Variants in ZC3HC1 observed in about 807,000 individuals in gnomAD.
ZC3HC1 encodes the protein zinc finger C3HC-type containing 1, also known as zinc finger C3HC-type protein 1.
A neutral mutation model predicts 61.9 loss-of-function variants in ZC3HC1; 38 were observed. The observed-to-expected ratio is 0.61, with a 90% CI of 0.47 to 0.81. The LOEUF (loss-of-function observed/expected upper bound fraction) is 0.81, where lower values mean the gene tolerates loss of function less well. ZC3HC1 is among the 30% of genes least tolerant of loss of function. The probability of loss-of-function intolerance (pLI) is 0.00; values close to 1 mark genes in which losing one functional copy is unlikely to be tolerated. For missense variants in ZC3HC1, 554 were observed against 622.7 expected (o/e 0.89, Z 1.17); for synonymous variants, 213 against 229.9 (o/e 0.93, Z 0.67).
chr7:130,047,338 C>T (rs141358017), intron 2 of ZC3HC1, among the ~76,000 whole-genome samples: 297 of 152,218 alleles, frequency 2.0e-3, no homozygotes, highest in African/African-American at 6.6e-3. Context: ...TCAGGTGATC[C>T]GCCCACCTTG....
At chr7:130,040,808 C>CA (rs34942899) in intron 3 of ZC3HC1, 143 bp downstream of exon 3, 1,613 of 629,248 alleles carry the variant, frequency 2.6e-3, no homozygotes, top group East Asian at 0.018. Flanking sequence ...GACCCCATCT[C>CA]AAAAAAAAAA....
chr7:130,036,210 A>C (rs1184521103), intron 4 of ZC3HC1, among the ~76,000 whole-genome samples: 2 of 152,038 alleles, frequency 1.3e-5, no homozygotes, highest in African/African-American at 2.4e-5. Context: ...GAGAAAGAAC[A>C]AAGTTGGCTT....
chr7:130,033,199 A>G (rs1794292588), intron 4 of ZC3HC1, among the ~76,000 whole-genome samples: 1 of 151,892 alleles, frequency 6.6e-6, no homozygotes, highest in South Asian at 2.1e-4. Context: ...TGCCCAGCTA[A>G]TTTTTTGTAT....
At chr7:130,051,031 G>C (rs1164321685) in intron 1 of ZC3HC1, among the ~76,000 whole-genome samples, 190 bp downstream of exon 1, 2 of 152,202 alleles carry the variant, frequency 1.3e-5, no homozygotes, top group Non-Finnish European at 2.9e-5. Context: ...CTGCGGTTGG[G>C]AATCTGGTAC....
chr7:130,033,545 C>G (rs1163095897), intron 4 of ZC3HC1, among the ~76,000 whole-genome samples: 1 of 149,914 alleles, frequency 6.7e-6, no homozygotes, highest in African/African-American at 2.5e-5. Context: ...CTCTGCCTCC[C>G]AGGTTCAAGC....
chr7:130,049,552 T>C (rs1013474239), intron 1 of ZC3HC1, among the ~76,000 whole-genome samples: 2 of 151,796 alleles, frequency 1.3e-5, no homozygotes, highest in Admixed American at 6.6e-5. Context: ...AATTCGACTT[T>C]TTTTTTTTTT....
At chr7:130,020,322 G>T (rs1439155638) in intron 9 of ZC3HC1, among the ~76,000 whole-genome samples, 3 of 150,354 alleles carry the variant, frequency 2.0e-5, no homozygotes, top group East Asian at 2.0e-4. Flanking sequence ...GCCCACGCTG[G>T]AGTGTAGTAG....
chr7:130,020,717 C>T (rs916799334), intron 9 of ZC3HC1, among the ~76,000 whole-genome samples: 1 of 152,036 alleles, frequency 6.6e-6, no homozygotes, highest in Non-Finnish European at 1.5e-5. Flanking sequence ...CAACTTTTCC[C>T]ACTACAAAAC....
chr7:130,038,805 A>G (rs1264958450), intron 4 of ZC3HC1, among the ~76,000 whole-genome samples: 1 of 138,258 alleles, frequency 7.2e-6, no homozygotes, highest in Non-Finnish European at 1.5e-5. Flanking sequence ...GGCTGCAGTG[A>G]GTTGAGATCG....
At chr7:130,040,888 C>T (rs185290350) in intron 3 of ZC3HC1, 63 bp downstream of exon 3, 3 of 1,442,134 alleles carry the variant, frequency 2.1e-6, no homozygotes, top group South Asian at 3.2e-5. Flanking sequence ...TTTCCCCCCC[C>T]AGAAAACCAG....
In ZC3HC1 at chr7:130,023,525, A is replaced by T; in HGVS notation, c.1219T>A (p.Ser407Thr). The T allele has an allele frequency of 6.2e-7, 1 of 1,614,100 alleles. No homozygotes were observed. The highest frequency in any genetic ancestry group is 1.7e-5 in the Admixed American group (1 of 60,004). ...LRKAKRARLC[S>T]SSSSDTSSRS... Reference sequence around the variant, plus strand: ...GGTGGACTCACCGAACTGCTGGAGGAGCAGAGGCGAGCTCGCTTGGCTTTC... The same window carrying T: ...GGTGGACTCACCGAACTGCTGGAGGTGCAGAGGCGAGCTCGCTTGGCTTTC... The change falls in exon 8 of 10, where the codon TCC (serine) becomes ACC (threonine). Residue 407 changes from serine (S) to threonine (T), a missense_variant. Ser to Thr is a moderately conservative substitution (Grantham distance 58). Coordinates refer to ENST00000358303, the MANE Select transcript of ZC3HC1 (RefSeq NM_016478.5). This position sits in a 1 kb window ranked among gnomAD's most constrained non-coding sequence, Gnocchi z 4.2.
At chr7:130,019,863 T>G (rs1371381294) in intron 9 of ZC3HC1, among the ~76,000 whole-genome samples, 1 of 142,170 alleles carries the variant, frequency 7.0e-6, no homozygotes, top group Non-Finnish European at 1.5e-5. Context: ...GTCGCCAGGC[T>G]GGAGTGCTGT....
intron 9 of ZC3HC1, among the ~76,000 whole-genome samples, chr7:130,022,006 C>A (rs939826728): frequency 6.6e-6 from 1 of 151,952 alleles, no homozygotes; most frequent in African/African-American, 2.4e-5. Context: ...GAAACCCTGT[C>A]TATTAAAAAT....
At chr7:130,042,717 C>A (rs1002391957) in intron 2 of ZC3HC1, among the ~76,000 whole-genome samples, 2 of 152,292 alleles carry the variant, frequency 1.3e-5, no homozygotes, top group Admixed American at 1.3e-4. Flanking sequence ...GAGTCTTGCT[C>A]TGTTGCCCAG....
In ZC3HC1 at chr7:130,024,482, G is replaced by C. The variant is rs940395817; in HGVS notation, c.801C>G (p.Leu267=). 4.3e-6 allele frequency: 7 copies of C among 1,610,052 alleles called. No homozygotes were observed. The highest frequency in any genetic ancestry group is 5.1e-6 in the Non-Finnish European group (6 of 1,178,580). The part of the protein sequence containing the change: ...ACSSSLESMQ[L]SLITCSQCMR... ...TACATTGCGAACATGTTATCAGGGA[G>C]AGCTGCATGGATTCCAAAGAGGAAC... The change falls in exon 7 of 10, where the codon CTC becomes CTG. Residue 267 remains leucine, a synonymous_variant. Transcript: ENST00000358303.
chr7:130,045,639 C>T (rs1287988761), intron 2 of ZC3HC1, among the ~76,000 whole-genome samples: 3 of 152,206 alleles, frequency 2.0e-5, no homozygotes, highest in East Asian at 1.9e-4. Context: ...CAGTGGCTCA[C>T]GCCTGTAATC....
intron 2 of ZC3HC1, 112 bp from the exon 3 acceptor site, chr7:130,041,213 G>A: frequency 8.1e-7 from 1 of 1,241,262 alleles, no homozygotes; most frequent in Non-Finnish European, 1.1e-6. Context: ...TTTGAGAAAA[G>A]TTCTCACTCT....
At chr7:130,028,521 G>T (rs905465145) in intron 5 of ZC3HC1, among the ~76,000 whole-genome samples, 1 of 152,040 alleles carries the variant, frequency 6.6e-6, no homozygotes, top group African/African-American at 2.4e-5. Flanking sequence ...CAGCCTGGGT[G>T]ACAGAAAGAG....
rs944650210 is a variant in ZC3HC1, at chr7:130,023,551, C to T, written c.1193G>A (p.Arg398Gln). 23 of 1,614,072 alleles carry T rather than the reference C, an allele frequency of 1.4e-5. No individual in the cohort carries two copies. Among genetic ancestry groups the T allele is most frequent in the Admixed American group, 3.3e-5 (2 of 59,984 alleles). The change falls in exon 8 of 10, where the codon CGG becomes CAG. Residue 398 changes from arginine (R) to glutamine (Q), a missense_variant. Arg to Gln is a conservative substitution (Grantham distance 43). Transcript: ENST00000358303. The surrounding 1 kb of genome is among the most constrained non-coding windows in gnomAD (Gnocchi z 4.2). ...GCAGAGGCGAGCTCGCTTGGCTTTC[C>T]GCAGAGGGCTAGATGGTACCTCCAG... The part of the protein sequence containing the change: ...PGLEVPSSPL[R>Q]KAKRARLCSS...
Sources: gnomAD v4.1 joint callset for allele counts (sites outside exome capture counted in the v4.1 genomes callset) on GRCh38, gnomAD v4.1.1 for gene constraint, Gnocchi (gnomAD v3.1) non-coding constraint, MANE v1.5 for transcripts, NCBI Gene and HGNC (gene_info 2026-07-23, HGNC 2026-07-21) for gene names.